Variants in GRK7 observed in about 807,000 individuals in gnomAD.
GRK7 encodes the protein G protein-coupled receptor kinase 7, also known as rhodopsin kinase GRK7.
In GRK7, 24 loss-of-function variants were observed where a neutral mutation model predicts 34.1. The ratio of observed to expected loss-of-function variants is 0.70; its 90% CI spans 0.51 to 0.99. The LOEUF (loss-of-function observed/expected upper bound fraction) is 0.99. GRK7 is among the 50% of genes least tolerant of loss of function. The pLI, the probability that GRK7 is intolerant of heterozygous loss-of-function variation, is 0.00. For synonymous variants in GRK7, 256 were observed against 279.4 expected (o/e 0.92, Z 0.84); for missense variants, 644 against 707.3 (o/e 0.91, Z 1.02).
chr3:141,802,397 T>C (rs201505512), intron 4 of GRK7, among the ~76,000 whole-genome samples: 24 of 52,452 alleles, frequency 4.6e-4, no homozygotes, highest in South Asian at 3.5e-3. Flanking sequence ...CACACACACA[T>C]AGTGTGAGAT....
At chr3:141,809,271 T>C (rs750576387) in intron 5 of GRK7, among the ~76,000 whole-genome samples, 1 of 152,178 alleles carries the variant, frequency 6.6e-6, no homozygotes, top group Non-Finnish European at 1.5e-5. Context: ...CTGATAGTCA[T>C]AGCTCTGGAA....
chr3:141,808,727 AAAGT>A lies in GRK7; in HGVS notation c.1325+814_1325+817del, dbSNP rs1161835714. On this transcript the variant is annotated intron_variant, in intron 5 of 5. Transcript: ENST00000682958. ...AACTCCATCTCAAAAAAAAAGAAAG[AAAGT>A]AAGTAGAACGGCAGTTTCCTGGGGT... Among the ~76,000 whole-genome samples the A allele has an allele frequency of 5.3e-5, 8 of 151,830 alleles. No homozygotes were observed. In the East Asian group the frequency reaches 1.6e-3, roughly 30 times the overall value.
At chr3:141,781,339 C>G (rs769012536) in intron 4 of GRK7, among the ~76,000 whole-genome samples, 1 of 151,992 alleles carries the variant, frequency 6.6e-6, no homozygotes, top group African/African-American at 2.4e-5. Flanking sequence ...GAGTTTGAGA[C>G]CAGCCTGGCC....
intron 4 of GRK7, among the ~76,000 whole-genome samples, chr3:141,792,609 T>C (rs1439876811): frequency 2.0e-5 from 3 of 152,174 alleles, no homozygotes; most frequent in Non-Finnish European, 4.4e-5. Flanking sequence ...GTTCCGGTGG[T>C]GTCTCAGATT....
intron 4 of GRK7, among the ~76,000 whole-genome samples, chr3:141,804,411 G>T (rs945498086): frequency 1.3e-5 from 2 of 152,098 alleles, no homozygotes; most frequent in Non-Finnish European, 2.9e-5. Context: ...ATTCCTTAAA[G>T]CTCCCTCAAT....
intron 4 of GRK7, among the ~76,000 whole-genome samples, chr3:141,782,970 A>C (rs2681699): frequency 0.11 from 16,191 of 152,282 alleles, 910 homozygotes; most frequent in Non-Finnish European, 0.13. Context: ...GGGTGTGGAA[A>C]TAAGCACTTG....
chr3:141,782,229 T>C (rs2084675188), intron 4 of GRK7, among the ~76,000 whole-genome samples: 1 of 152,012 alleles, frequency 6.6e-6, no homozygotes, highest in African/African-American at 2.4e-5. Flanking sequence ...GAGGCTAAGG[T>C]AGTGAGTGGC....
At chr3:141,754,935 T>A in the GRK7 span, among the ~76,000 whole-genome samples, 1 of 152,216 alleles carries the variant, frequency 6.6e-6, no homozygotes, top group African/African-American at 2.4e-5. Context: ...GGCTTTTAAA[T>A]GGACATATCC....
chr3:141,796,282 A>G (rs1265891803), intron 4 of GRK7, among the ~76,000 whole-genome samples: 2 of 152,214 alleles, frequency 1.3e-5, no homozygotes, highest in Non-Finnish European at 2.9e-5. Context: ...ACAGCCCTGC[A>G]CATGATCTTA....
At chr3:141,753,109 C>T in the GRK7 span, among the ~76,000 whole-genome samples, 3 of 152,162 alleles carry the variant, frequency 2.0e-5, no homozygotes, top group East Asian at 3.9e-4. Context: ...GAAAATGGTC[C>T]GAATGCAGGC....
At position 141,789,464 on chromosome 3, in the gene GRK7, G is replaced by T. The variant is rs147334230; in HGVS notation, c.1050+8653G>T. On this transcript the variant is annotated intron_variant, in intron 4 of 5. Transcript: ENST00000682958. ...GAATAGTTCCTTCACAGTTCCCAGA[G>T]AGGGCGCTCACTGGACAACTCAGGT... is the stretch of plus-strand genomic sequence containing the variant. Among the ~76,000 whole-genome samples, 26 of 152,242 alleles carry T rather than the reference G, an allele frequency of 1.7e-4. No homozygotes were observed. The East Asian group carries it at 2.5e-3, about 15-fold the overall frequency.
At chr3:141,793,626 CTTG>C (rs2084735958) in intron 4 of GRK7, among the ~76,000 whole-genome samples, 1 of 152,104 alleles carries the variant, frequency 6.6e-6, no homozygotes, top group Admixed American at 6.5e-5. Flanking sequence ...GGGGTCCAGA[CTTG>C]TGTATCCCTA....
At chr3:141,797,548 A>G (rs1710905353) in intron 4 of GRK7, among the ~76,000 whole-genome samples, 1 of 152,200 alleles carries the variant, frequency 6.6e-6, no homozygotes, top group African/African-American at 2.4e-5. Flanking sequence ...CCTCTGCTCA[A>G]CAGTTCTCCT....
chr3:141,776,159 C>A (rs372812172), intron 2 of GRK7, among the ~76,000 whole-genome samples: 1 of 151,980 alleles, frequency 6.6e-6, no homozygotes, highest in Non-Finnish European at 1.5e-5. Flanking sequence ...CGGTGGCGGG[C>A]ACCTGTAGTC....
At chr3:141,803,260 C>A (rs1326079262) in intron 4 of GRK7, among the ~76,000 whole-genome samples, 2 of 118,878 alleles carry the variant, frequency 1.7e-5, no homozygotes, top group South Asian at 3.3e-4. Context: ...AACCCTGTCT[C>A]TACTGAAAAA....
At chr3:141,779,824 T>C (rs2084662374) in intron 3 of GRK7, among the ~76,000 whole-genome samples, 1 of 152,236 alleles carries the variant, frequency 6.6e-6, no homozygotes, top group African/African-American at 2.4e-5. Context: ...TGGGGTTCAT[T>C]CACACTGTAG....
At chr3:141,760,199 G>A (rs1336486988), upstream of GRK7, among the ~76,000 whole-genome samples, 2 of 147,102 alleles carry the variant, frequency 1.4e-5, no homozygotes, top group African/African-American at 5.0e-5. Context: ...TCTTTTAATT[G>A]TGATGTTAGG....
chr3:141,779,666 C>T (rs1413149519), intron 3 of GRK7, among the ~76,000 whole-genome samples: 1 of 152,192 alleles, frequency 6.6e-6, no homozygotes, highest in Non-Finnish European at 1.5e-5. Context: ...CACCCCTGTG[C>T]CCATTAATAG....
intron 4 of GRK7, among the ~76,000 whole-genome samples, chr3:141,789,436 T>C (rs1318284740): frequency 6.6e-6 from 1 of 152,118 alleles, no homozygotes. Flanking sequence ...ACATTTTCTT[T>C]ATGAATAGTT....
Sources: allele counts gnomAD v4.1 joint callset (sites outside exome capture counted in the v4.1 genomes callset), GRCh38; gene constraint gnomAD v4.1.1; transcripts MANE v1.5; gene names NCBI Gene and HGNC (gene_info 2026-07-23, HGNC 2026-07-21).